IRAG1: variants seen among roughly 807,000 people sequenced by gnomAD.
IRAG1 encodes the protein inositol 1,4,5-triphosphate receptor associated 1.
A neutral mutation model predicts 106.2 loss-of-function variants in IRAG1; 62 were observed. That is an observed-to-expected ratio of 0.58 (90% CI 0.48 to 0.72). The LOEUF (loss-of-function observed/expected upper bound fraction) is 0.72, where lower values mean the gene tolerates loss of function less well. Among genes scored for constraint, IRAG1 ranks in the 30% least tolerant of loss-of-function variants. IRAG1 has a pLI of 0.00. For synonymous variants in IRAG1, 462 were observed against 443.9 expected, an observed-to-expected ratio of 1.04 and a Z score of -0.51; for missense variants, 1,064 against 1,140.7, an observed-to-expected ratio of 0.93 and a Z score of 0.97.
At chr11:10,633,137 C>T (rs56403365) in intron 3 of IRAG1, among the ~76,000 whole-genome samples, 31,376 of 146,422 alleles carry the variant, frequency 0.21, 4,361 homozygotes, top group Non-Finnish European at 0.31. Context: ...TGCAGTGGCG[C>T]GATCTGGGCT....
chr11:10,607,228 T>G (rs185550603), intron 11 of IRAG1, among the ~76,000 whole-genome samples: 24 of 152,318 alleles, frequency 1.6e-4, no homozygotes, highest in Admixed American at 1.6e-3. Context: ...ACATCTAAGT[T>G]GCCATTATAA....
In IRAG1 at chr11:10,634,104, C is replaced by T. The variant is rs1053351905; in HGVS notation, c.226-33G>A. ...TTTAGAACAAAAACACAGAGTTAGG[C>T]TTGGGCTGGTGGGACTTCCAGGGAC... On this transcript the variant is annotated intron_variant, in intron 2 of 20. Coordinates refer to ENST00000423302, the MANE Select transcript of IRAG1 (RefSeq NM_130385.4). 2.1e-6 allele frequency: 3 copies of T among 1,440,436 alleles called. No homozygotes were observed. In the African/African-American group the frequency reaches 4.2e-5, roughly 20 times the overall value. The allele number at this position is 1,440,436 out of a possible 1,614,324, so 89.2% of individuals were successfully genotyped here.
intron 14 of IRAG1, among the ~76,000 whole-genome samples, chr11:10,602,905 C>G (rs1391596990): frequency 6.6e-6 from 1 of 152,176 alleles, no homozygotes; most frequent in Non-Finnish European, 1.5e-5. Flanking sequence ...AGTCCCCAAA[C>G]TTGTGCGTCC....
At chr11:10,681,022 A>G (rs1861213021) in intron 1 of IRAG1, among the ~76,000 whole-genome samples, 1 of 152,196 alleles carries the variant, frequency 6.6e-6, no homozygotes, top group African/African-American at 2.4e-5. Flanking sequence ...GATGGTAGTT[A>G]GCTGCTTGAT....
intron 1 of IRAG1, among the ~76,000 whole-genome samples, chr11:10,676,705 AT>A (rs1298451445): frequency 6.6e-6 from 1 of 152,192 alleles, no homozygotes; most frequent in East Asian, 1.9e-4. Flanking sequence ...AGACAAGGGG[AT>A]GAGACCGTGG....
chr11:10,609,746 T>C lies in IRAG1; in HGVS notation c.1553A>G (p.His518Arg). Reference protein sequence around the residue: ...SDVLLRKLRVHRSLPGSAPPL... With the variant: ...SDVLLRKLRVRRSLPGSAPPL... ...ATTTTACCTTCCAGGGAGACTCCTG[T>C]GGACCCGCAGTTTGCGCAGCAGCAC... The change falls in exon 11 of 21, where the codon CAC becomes CGC. Residue 518 changes from histidine (H) to arginine (R), a missense_variant. Transcript: ENST00000423302. 1.9e-6 allele frequency: 3 copies of C among 1,613,912 alleles called. No individual in the cohort carries two copies. The highest frequency in any genetic ancestry group is 2.5e-6 in the Non-Finnish European group (3 of 1,179,824).
At chr11:10,640,506 C>T (rs12801558) in intron 2 of IRAG1, among the ~76,000 whole-genome samples, 62,819 of 152,076 alleles carry the variant, frequency 0.41, 13,211 homozygotes, top group African/African-American at 0.44. Context: ...GCAACTTCTC[C>T]TTTTCTGCAA....
chr11:10,582,029 G>A (rs190055172), intron 18 of IRAG1, 43 bp from the exon 19 acceptor site: 3 of 1,576,248 alleles, frequency 1.9e-6, no homozygotes, highest in East Asian at 4.5e-5. Flanking sequence ...TCAGAAAAAG[G>A]TGGAGGCCTA....
chr11:10,661,420 T>A (rs1859394022), intron 1 of IRAG1, among the ~76,000 whole-genome samples: 1 of 152,166 alleles, frequency 6.6e-6, no homozygotes, highest in African/African-American at 2.4e-5. Flanking sequence ...TTCCACATAT[T>A]TGGTGGCTTA....
At chr11:10,596,077 T>G (rs1442934341) in intron 15 of IRAG1, among the ~76,000 whole-genome samples, 1 of 152,206 alleles carries the variant, frequency 6.6e-6, no homozygotes, top group Non-Finnish European at 1.5e-5. Context: ...TGTACCACAT[T>G]TTTCTTTATC....
intron 10 of IRAG1, among the ~76,000 whole-genome samples, chr11:10,615,624 C>T (rs1855333598): frequency 6.6e-6 from 1 of 152,092 alleles, no homozygotes. Context: ...GAGTTCATGT[C>T]CTTTGTAGGG....
chr11:10,599,290 A>T (rs1345749296), intron 15 of IRAG1, among the ~76,000 whole-genome samples: 1 of 152,120 alleles, frequency 6.6e-6, no homozygotes, highest in Non-Finnish European at 1.5e-5. Flanking sequence ...TATAGGGCAA[A>T]CCAAAGGTAC....
intron 2 of IRAG1, among the ~76,000 whole-genome samples, chr11:10,648,263 C>A (rs1016153445): frequency 2.6e-5 from 4 of 152,200 alleles, no homozygotes; most frequent in Admixed American, 2.0e-4. Flanking sequence ...ATTCGGGAGG[C>A]TGAGGCACAA....
chr11:10,623,815 C>A lies in IRAG1; in HGVS notation c.1410G>T (p.Lys470Asn). The A allele has an allele frequency of 6.2e-7, 1 of 1,614,070 alleles. No individual in the cohort carries two copies. Among genetic ancestry groups the A allele is most frequent in the Non-Finnish European group, 8.5e-7 (1 of 1,179,904 alleles). The change falls in exon 10 of 21, where the codon AAG becomes AAT. Residue 470 changes from lysine (K) to asparagine (N), a missense_variant. Transcript: ENST00000423302. ...CAGCTGCTTCACTAAGGTCTGGAAGCTTGAGCCCCACTAAGTTCTGATTTC... is the reference window on the plus strand; with the variant it reads ...CAGCTGCTTCACTAAGGTCTGGAAGATTGAGCCCCACTAAGTTCTGATTTC... ...LMRNQNLVGL[K>N]LPDLSEAAEQ...
intron 15 of IRAG1, among the ~76,000 whole-genome samples, chr11:10,597,203 A>C (rs72862323): frequency 0.012 from 1,803 of 152,320 alleles, 18 homozygotes; most frequent in Middle Eastern, 0.02. Context: ...AGTAACTACC[A>C]CATCTAAACT....
chr11:10,612,999 G>T (rs957692582), intron 10 of IRAG1, among the ~76,000 whole-genome samples: 9 of 152,072 alleles, frequency 5.9e-5, no homozygotes, highest in African/African-American at 2.2e-4. Flanking sequence ...AGAGGAGGGT[G>T]GTAGAGATTG....
chr11:10,604,137 T>C (rs1195226225), intron 13 of IRAG1, among the ~76,000 whole-genome samples: 1 of 152,150 alleles, frequency 6.6e-6, no homozygotes, highest in Non-Finnish European at 1.5e-5. Context: ...CCCTGGCGCC[T>C]GAAAGTAGGA....
chr11:10,629,500 G>A (rs1190041071), intron 5 of IRAG1, 38 bp downstream of exon 5: 2 of 1,595,262 alleles, frequency 1.3e-6, no homozygotes, highest in Non-Finnish European at 1.7e-6. Context: ...GACCCTAGAG[G>A]GGCTCAGGGC....
chr11:10,596,612 G>A (rs547769909), intron 15 of IRAG1, among the ~76,000 whole-genome samples: 1 of 152,240 alleles, frequency 6.6e-6, no homozygotes, highest in East Asian at 1.9e-4. Flanking sequence ...CCTTAAGGAT[G>A]GCCTAATAAA....
Sources: gnomAD v4.1 joint callset for allele counts (sites outside exome capture counted in the v4.1 genomes callset) on GRCh38, gnomAD v4.1.1 for gene constraint, MANE v1.5 for transcripts, NCBI Gene and HGNC (gene_info 2026-07-23, HGNC 2026-07-21) for gene names.